AUTS2: variants seen among roughly 807,000 people sequenced by gnomAD.
The protein encoded by AUTS2 is activator of transcription and developmental regulator AUTS2.
Under a neutral mutation model 112.4 loss-of-function variants are expected in AUTS2, and 17 were observed. The observed-to-expected ratio is 0.15, with a 90% CI of 0.10 to 0.23. The LOEUF is 0.23. Among genes scored for constraint, AUTS2 ranks in the 10% least tolerant of loss-of-function variants. The pLI is 1.00. For missense variants in AUTS2, 1,510 were observed against 1,701.6 expected (o/e 0.89, Z 1.98); for synonymous variants, 751 against 702.7 (o/e 1.07, Z -1.09).
chr7:69,639,125 A>G (rs1412801509), intron 1 of AUTS2, among the ~76,000 whole-genome samples: 2 of 152,252 alleles, frequency 1.3e-5, no homozygotes, highest in African/African-American at 4.8e-5. Context: ...TCTGGAAATT[A>G]GACACCATGG....
At chr7:70,339,960 G>A (rs1791181127) in intron 4 of AUTS2, among the ~76,000 whole-genome samples, 1 of 152,144 alleles carries the variant, frequency 6.6e-6, no homozygotes, top group African/African-American at 2.4e-5. Context: ...TACTTTGAAA[G>A]GAAAAGAGAT....
intron 1 of AUTS2, among the ~76,000 whole-genome samples, chr7:69,879,999 A>G (rs1048805065): frequency 3.2e-4 from 49 of 152,180 alleles, no homozygotes; most frequent in Admixed American, 2.8e-3. Context: ...TTGCACTGCT[A>G]CAAAGAACTA....
chr7:70,671,137 T>C (rs62456811), intron 5 of AUTS2, among the ~76,000 whole-genome samples: 22,946 of 150,474 alleles, frequency 0.15, 2,096 homozygotes, highest in East Asian at 0.35. Context: ...TGAGCCAGGA[T>C]TGCACCACTG....
chr7:70,751,868 G>T (rs769999106), intron 6 of AUTS2, among the ~76,000 whole-genome samples: 2 of 151,850 alleles, frequency 1.3e-5, no homozygotes, highest in Middle Eastern at 3.4e-3. Flanking sequence ...TTGCAGGCGC[G>T]TGACACCACA....
chr7:70,354,972 G>A (rs1267657381), intron 4 of AUTS2, among the ~76,000 whole-genome samples: 1 of 151,648 alleles, frequency 6.6e-6, no homozygotes, highest in African/African-American at 2.4e-5. Flanking sequence ...GTGTGTGTGT[G>A]TGTATGTATG....
chr7:70,404,695 C>G (rs1386141231), intron 4 of AUTS2, among the ~76,000 whole-genome samples: 1 of 152,050 alleles, frequency 6.6e-6, no homozygotes, highest in Non-Finnish European at 1.5e-5. Context: ...TTGGGGGGAC[C>G]CTGTTCACCT....
intron 4 of AUTS2, among the ~76,000 whole-genome samples, chr7:70,256,221 A>AC (rs1786862683): frequency 6.6e-6 from 1 of 152,160 alleles, no homozygotes; most frequent in African/African-American, 2.4e-5. Flanking sequence ...TGTTTCTGTA[A>AC]AGAGCATTTG....
chr7:70,696,674 A>AAC (rs35577599), intron 5 of AUTS2, among the ~76,000 whole-genome samples: 39,273 of 150,152 alleles, frequency 0.26, 5,570 homozygotes, highest in Middle Eastern at 0.34. Context: ...TTTTCACTCG[A>AAC]ACACACACAC....
chr7:70,724,779 G>A, intron 6 of AUTS2, among the ~76,000 whole-genome samples: 1 of 152,184 alleles, frequency 6.6e-6, no homozygotes, highest in East Asian at 1.9e-4. Context: ...AGGTGCTAAG[G>A]TGGTAGCATA....
At chr7:70,232,528 C>G (rs532952710) in intron 4 of AUTS2, among the ~76,000 whole-genome samples, 10 of 152,176 alleles carry the variant, frequency 6.6e-5, no homozygotes, top group African/African-American at 2.2e-4. Context: ...CTCAGACTCC[C>G]CAGTAGCTGG....
intron 4 of AUTS2, among the ~76,000 whole-genome samples, chr7:70,256,145 G>C (rs908748369): frequency 6.6e-6 from 1 of 152,150 alleles, no homozygotes; most frequent in Non-Finnish European, 1.5e-5. Flanking sequence ...AATCTAGTAC[G>C]AGTCCCTGAA....
chr7:70,759,357 C>T (rs946264068), intron 6 of AUTS2, among the ~76,000 whole-genome samples: 6 of 152,180 alleles, frequency 3.9e-5, no homozygotes, highest in African/African-American at 1.4e-4. Flanking sequence ...GATCCTGCTA[C>T]TCAAAATGTG....
At chr7:70,721,350 G>T (rs971662973) in intron 6 of AUTS2, among the ~76,000 whole-genome samples, 1 of 150,640 alleles carries the variant, frequency 6.6e-6, no homozygotes, top group African/African-American at 2.5e-5. Flanking sequence ...CCAGGCTGGA[G>T]TGCAATGGCA....
At chr7:70,582,981 C>T (rs191903023) in intron 5 of AUTS2, among the ~76,000 whole-genome samples, 175 of 152,262 alleles carry the variant, frequency 1.1e-3, no homozygotes, top group Non-Finnish European at 2.2e-3. Flanking sequence ...TAGGGAAGGA[C>T]TTGTTTTAAT....
chr7:69,987,463 T>C (rs1798559636), intron 2 of AUTS2, among the ~76,000 whole-genome samples: 1 of 152,168 alleles, frequency 6.6e-6, no homozygotes, highest in South Asian at 2.1e-4. Context: ...ATATGTTCCC[T>C]TTCTTGTTCT....
intron 4 of AUTS2, among the ~76,000 whole-genome samples, chr7:70,340,028 G>A (rs1407834880): frequency 1.3e-5 from 2 of 152,092 alleles, no homozygotes; most frequent in East Asian, 3.9e-4. Context: ...CTTTTACTTA[G>A]CTATTTAATA....
At chr7:69,923,858 G>T (rs1334492765) in intron 2 of AUTS2, among the ~76,000 whole-genome samples, 1 of 152,022 alleles carries the variant, frequency 6.6e-6, no homozygotes, top group Non-Finnish European at 1.5e-5. Context: ...GGTCTTACTG[G>T]ATTTTCTACA....
intron 5 of AUTS2, among the ~76,000 whole-genome samples, chr7:70,643,623 C>T (rs948331273): frequency 6.6e-5 from 10 of 152,162 alleles, no homozygotes; most frequent in Non-Finnish European, 1.3e-4. Flanking sequence ...TTTCCTCAAC[C>T]TCTGTGTCCT....
intron 1 of AUTS2, among the ~76,000 whole-genome samples, chr7:69,697,969 G>A (rs932691405): frequency 6.6e-6 from 1 of 152,170 alleles, no homozygotes; most frequent in Non-Finnish European, 1.5e-5. Context: ...TTATGGCTCT[G>A]CTGATTAAGA....
Sources: allele counts gnomAD v4.1 joint callset (sites outside exome capture counted in the v4.1 genomes callset), GRCh38; gene constraint gnomAD v4.1.1; transcripts MANE v1.5; gene names NCBI Gene and HGNC (gene_info 2026-07-23, HGNC 2026-07-21).